Variants in ETAA1 observed in about 807,000 individuals in gnomAD.
The protein encoded by ETAA1 is ETAA1 activator of ATR kinase.
Under a neutral mutation model 76.8 loss-of-function variants are expected in ETAA1, and 49 were observed. The observed-to-expected ratio is 0.64, with a 90% confidence interval of 0.51 to 0.81. The LOEUF is 0.81. Among genes scored for constraint, ETAA1 ranks in the 30% least tolerant of loss-of-function variants. The pLI is 0.00. For synonymous variants in ETAA1, 373 were observed against 372.2 expected, an observed-to-expected ratio of 1.00 and a Z score of -0.03; for missense variants, 1,099 against 1,074.0, an observed-to-expected ratio of 1.02 and a Z score of -0.32.
chr2:67,408,514 C>G (rs768367216), intron 5 of ETAA1, among the ~76,000 whole-genome samples: 1 of 149,678 alleles, frequency 6.7e-6, no homozygotes, highest in Non-Finnish European at 1.5e-5. Flanking sequence ...AACATTCTTG[C>G]TTTCTGACTC....
At position 67,404,214 on chromosome 2, in the gene ETAA1, T is replaced by A; in HGVS notation, c.1532T>A (p.Leu511His). Residue 511 changes from leucine to histidine, a missense_variant, in exon 5 of 6, where the codon CTT becomes CAT. Transcript: ENST00000272342. Reference protein sequence around the residue: ...SNLTKIKEDILTNSTEASERK... With the variant: ...SNLTKIKEDIHTNSTEASERK... ...CTGACAAAAATAAAGGAAGATATTC[T>A]TACTAACTCTACTGAAGCTTCTGAA... 1 of 1,611,854 alleles carries A rather than the reference T, an allele frequency of 6.2e-7. No homozygotes were observed. Among genetic ancestry groups the A allele is most frequent in the Middle Eastern group, 1.7e-4 (1 of 6,056 alleles).
Position 67,405,206 on chromosome 2 carries a change from G to A in ETAA1, c.2524G>A (p.Gly842Arg), listed in dbSNP as rs1676181343. Reference protein sequence around the residue: ...LSQFNQNCITGSMSDTKITQG... With the variant: ...LSQFNQNCITRSMSDTKITQG... ...TCAGTTTAATCAAAATTGTATAACTGGAAGTATGTCTGATACCAAAATTAC... is the reference window on the plus strand; with the variant it reads ...TCAGTTTAATCAAAATTGTATAACTAGAAGTATGTCTGATACCAAAATTAC... Residue 842 changes from glycine (G) to arginine (R), a missense_variant, in exon 5 of 6, where the codon GGA becomes AGA. Gly to Arg is a moderately radical substitution (Grantham distance 125, BLOSUM62 -2). Coordinates refer to ENST00000272342, the MANE Select transcript of ETAA1 (RefSeq NM_019002.4). 2 of 1,612,516 alleles carry A rather than the reference G, an allele frequency of 1.2e-6. No individual in the cohort carries two copies. The highest frequency in any genetic ancestry group is 8.5e-7 in the Non-Finnish European group (1 of 1,179,128).
rs1189710032 is a variant in ETAA1, at chr2:67,410,578, T to G, written c.*540T>G. 6.6e-6 allele frequency: 1 copy of G among 152,058 alleles called. No individual in the cohort carries two copies. Among genetic ancestry groups the G allele is most frequent in the Middle Eastern group, 3.2e-3 (1 of 316 alleles). The allele number at this position is 152,058 out of a possible 1,614,324, so 9.4% of individuals were successfully genotyped here. A position where few individuals can be genotyped will look rare whatever the true frequency, so the allele number is the denominator to read the frequency against. ...CAGTTCTTAGAAGTGGATTTGAATT[T>G]TAATAATTCTAAAATGTGACACATT... On this transcript the variant is annotated 3_prime_UTR_variant, in exon 6 of 6. Transcript: ENST00000272342.
At position 67,404,409 on chromosome 2, in the gene ETAA1, T is replaced by C. The variant is rs145096592; in HGVS notation, c.1727T>C (p.Phe576Ser). The C allele has an allele frequency of 1.5e-4, 241 of 1,613,310 alleles. No individual in the cohort carries two copies. In the African/African-American group the frequency reaches 2.8e-3, roughly 18 times the overall value. Reference protein sequence around the residue: ...NQTSASKVGSFFDDWNDPSFA... With the variant: ...NQTSASKVGSSFDDWNDPSFA... ...ACTAGTGCATCAAAAGTAGGTTCTT[T>C]CTTTGATGATTGGAATGATCCCTCA... Residue 576 changes from phenylalanine to serine, a missense_variant, in exon 5 of 6, where the codon TTC becomes TCC. By Grantham distance (155) the Phe-to-Ser change is radical. Around this residue, in one of 3 missense-constraint regions of ETAA1, gnomAD observed 761 missense variants for 731.9 expected, o/e 1.04. Transcript: ENST00000272342.
Position 67,403,284 on chromosome 2 carries a change from A to G in ETAA1, c.602A>G (p.Asn201Ser), listed in dbSNP as rs1676105567. The change falls in exon 5 of 6, where the codon AAT (asparagine) becomes AGT (serine). Residue 201 changes from asparagine to serine, a missense_variant. Asn to Ser is a conservative substitution (Grantham distance 46). Coordinates refer to ENST00000272342, the MANE Select transcript of ETAA1 (RefSeq NM_019002.4). ...LMKLAKQFDK[N>S]MEELDVIQEQ... ...AAACTGGCTAAACAATTTGATAAAA[A>G]TATGGAAGAGCTAGATGTGATTCAA... 1.3e-6 allele frequency: 2 copies of G among 1,595,614 alleles called. No homozygotes were observed. The highest frequency in any genetic ancestry group is 1.7e-6 in the Non-Finnish European group (2 of 1,173,934).
chr2:67,402,598 AAC>A, intron 3 of ETAA1: 1 of 183,648 alleles, frequency 5.4e-6, no homozygotes, highest in Non-Finnish European at 1.1e-5. Flanking sequence ...TAATTCTTAA[AAC>A]AATATTTTTT....
rs1419329367 is a variant in ETAA1 at position 67,411,647 on chromosome 2, C to G, written c.*1609C>G. The G allele has an allele frequency of 1.3e-5, 2 of 151,988 alleles. No individual in the cohort carries two copies. Among genetic ancestry groups the G allele is most frequent in the Non-Finnish European group, 1.5e-5 (1 of 67,976 alleles). 9.4% of individuals were successfully genotyped at this position (151,988 alleles called of 1,614,324 possible). A position where few individuals can be genotyped will look rare whatever the true frequency, so the allele number is the denominator to read the frequency against. On this transcript the variant is annotated 3_prime_UTR_variant, in exon 6 of 6. Coordinates refer to ENST00000272342, the MANE Select transcript of ETAA1 (RefSeq NM_019002.4). ...TTGGACGCATATCACTTTTGCATCA[C>G]GTTAGAGTTGAAAAATTGTAAGTCA...
Position 67,397,531 on chromosome 2 carries a change from C to G in ETAA1, c.83C>G (p.Ser28Trp), listed in dbSNP as rs200411178. 4 of 1,588,324 alleles carry G rather than the reference C, an allele frequency of 2.5e-6. No individual in the cohort carries two copies. Among genetic ancestry groups the G allele is most frequent in the Non-Finnish European group, 3.4e-6 (4 of 1,167,694 alleles). ...HKTVAAEECGSVVEPGRRRLR... is the reference protein window; with the variant it reads ...HKTVAAEECGWVVEPGRRRLR... ...ACAGTGGCGGCGGAGGAATGCGGCTCGGTGGTCGAGCCAGGGAGGAGGCGG... is the reference window on the plus strand; with the variant it reads ...ACAGTGGCGGCGGAGGAATGCGGCTGGGTGGTCGAGCCAGGGAGGAGGCGG... The change falls in exon 1 of 6, where the codon TCG becomes TGG. Residue 28 changes from serine (S) to tryptophan (W), a missense_variant. This residue lies in a region of ETAA1 where 761 missense variants were observed against 731.9 expected (regional missense o/e 1.04). Transcript: ENST00000272342.
In ETAA1 at chr2:67,403,234, ACAAAGT is replaced by A; in HGVS notation, c.556_561del (p.Ser186_Gln187del). ...TAATCTTGTTTAATAGGTTAAAAAC[ACAAAGT>A]CAAGAAGAAGAACTTATGAAACTGG... On this transcript the variant is annotated inframe_deletion, in exon 5 of 6. Transcript: ENST00000272342. The A allele has an allele frequency of 6.4e-7, 1 of 1,552,660 alleles. No individual in the cohort carries two copies. Among genetic ancestry groups the A allele is most frequent in the African/African-American group, 1.4e-5 (1 of 72,166 alleles).
intron 5 of ETAA1, among the ~76,000 whole-genome samples, chr2:67,408,858 G>A (rs1449871396): frequency 6.7e-6 from 1 of 149,562 alleles, no homozygotes; most frequent in East Asian, 2.0e-4. Context: ...TGGATGTGTA[G>A]TCTGAGTTTG....
rs1400803060 is a variant in ETAA1, at chr2:67,407,090, A to C, written c.2653+1755A>C. On this transcript the variant is annotated intron_variant, in intron 5 of 5. Coordinates refer to ENST00000272342, the MANE Select transcript of ETAA1 (RefSeq NM_019002.4). ...ATTTGATGGATACCACCAAATTTCT[A>C]TCCGAAGCAGTTATACCAATTTATC... is the stretch of plus-strand genomic sequence containing the variant. 2.0e-5 allele frequency among the ~76,000 whole-genome samples: 3 copies of C among 152,264 alleles called. No individual in the cohort carries two copies. In the East Asian group the frequency reaches 5.8e-4, roughly 29 times the overall value.
At position 67,409,919 on chromosome 2, in the gene ETAA1, G is replaced by A. The variant is rs758265384; in HGVS notation, c.2662G>A (p.Glu888Lys). The change falls in exon 6 of 6, where the codon GAG (glutamate) becomes AAG (lysine). Residue 888 changes from glutamate to lysine, a missense_variant. Physicochemically the swap from Glu to Lys is moderately conservative, Grantham distance 56. This residue lies in a region of ETAA1 where 302 missense variants were observed against 278.1 expected (regional missense o/e 1.09). Coordinates refer to ENST00000272342, the MANE Select transcript of ETAA1 (RefSeq NM_019002.4). ...TTTTGTTGAATTTTTAGAGGAAGAA[G>A]AGAAAAATAGAAAGTGTTCTCCTGA... ...SLKQSSKEEE[E>K]KNRKCSPEEI... is the part of the protein sequence containing the mutation. 1.9e-6 allele frequency: 3 copies of A among 1,590,992 alleles called. No homozygotes were observed. Among genetic ancestry groups the A allele is most frequent in the Non-Finnish European group, 2.6e-6 (3 of 1,172,946 alleles).
In ETAA1 at chr2:67,410,549, T is replaced by C. The variant is rs1418107710; in HGVS notation, c.*511T>C. 1 of 152,084 alleles carries C rather than the reference T, an allele frequency of 6.6e-6. No individual in the cohort carries two copies. Among genetic ancestry groups the C allele is most frequent in the Non-Finnish European group, 1.5e-5 (1 of 67,956 alleles). 9.4% of individuals were successfully genotyped at this position (152,084 alleles called of 1,614,324 possible). On this transcript the variant is annotated 3_prime_UTR_variant, in exon 6 of 6. Transcript: ENST00000272342. ...GGACTTTTTATTTGTAAGGAAATTA[T>C]GTTCAGTTCTTAGAAGTGGATTTGA...
chr2:67,397,927 C>T (rs1675929138), intron 1 of ETAA1, among the ~76,000 whole-genome samples: 1 of 152,158 alleles, frequency 6.6e-6, no homozygotes, highest in Non-Finnish European at 1.5e-5. Flanking sequence ...TACCTGTTTG[C>T]GGGAGGGCGG....
At chr2:67,399,404 T>C (rs1675991367) in intron 2 of ETAA1, 107 bp downstream of exon 2, 17 of 1,190,284 alleles carry the variant, frequency 1.4e-5, no homozygotes, top group South Asian at 2.7e-5. Context: ...GAGAATGTTA[T>C]ATGATTTTAT....
intron 3 of ETAA1, chr2:67,400,608 T>G (rs1027618469): frequency 6.6e-6 from 1 of 152,196 alleles, no homozygotes; most frequent in Non-Finnish European, 1.5e-5. Flanking sequence ...GTTCTGAACT[T>G]CTTTACTTTT....
At chr2:67,398,627 C>T (rs1675966678) in intron 1 of ETAA1, among the ~76,000 whole-genome samples, 2 of 152,094 alleles carry the variant, frequency 1.3e-5, no homozygotes, top group Admixed American at 1.3e-4. Context: ...CCGCGCCCGG[C>T]CACCTTACAT....
Position 67,397,339 on chromosome 2 carries a change from C to T in ETAA1, c.-110C>T. On this transcript the variant is annotated 5_prime_UTR_variant, in exon 1 of 6. Coordinates refer to ENST00000272342, the MANE Select transcript of ETAA1 (RefSeq NM_019002.4). ...CGCCTCTTGCGCGCGCCCCACCGAC[C>T]AAAATGGCGGCTGCCGTTGGTGCGG... 3 of 1,223,180 alleles carry T rather than the reference C, an allele frequency of 2.5e-6. No individual in the cohort carries two copies. In the South Asian group the frequency reaches 3.9e-5, roughly 16 times the overall value. The allele number at this position is 1,223,180 out of a possible 1,614,324, so 75.8% of individuals were successfully genotyped here.
chr2:67,399,699 A>G, intron 3 of ETAA1, 73 bp downstream of exon 3: 1 of 1,015,320 alleles, frequency 9.8e-7, no homozygotes, highest in Non-Finnish European at 1.5e-6. Context: ...TAGTTTCTTT[A>G]AATGAAAAGT....
Sources: allele counts gnomAD v4.1 joint callset (sites outside exome capture counted in the v4.1 genomes callset), GRCh38; gene constraint gnomAD v4.1.1; regional missense constraint gnomAD v4.1.1; transcripts MANE v1.5; gene names NCBI Gene and HGNC (gene_info 2026-07-23, HGNC 2026-07-21).